Variants in LPP observed in about 807,000 individuals in gnomAD.
LPP encodes the protein lipoma-preferred partner.
LPP carries 38 observed loss-of-function variants against 60.4 expected under a neutral mutation model. The observed-to-expected ratio is 0.63, with a 90% CI of 0.49 to 0.83. LPP has a LOEUF of 0.83. Ranked by LOEUF, LPP falls within the 40% of genes least tolerant of loss-of-function variation. The pLI, the probability that LPP is intolerant of heterozygous loss-of-function variation, is 0.00. For synonymous variants in LPP, 328 were observed against 290.8 expected, an observed-to-expected ratio of 1.13 and a Z score of -1.30; for missense variants, 902 against 783.6, an observed-to-expected ratio of 1.15 and a Z score of -1.80.
At chr3:188,754,443 G>A (rs1428989748) in intron 8 of LPP, among the ~76,000 whole-genome samples, 6 of 152,156 alleles carry the variant, frequency 3.9e-5, no homozygotes, top group Admixed American at 1.3e-4. Context: ...TGAGCAGTCT[G>A]TCCCCAAACT....
chr3:188,617,397 A>C lies in LPP; in HGVS notation c.1113+7553A>C, dbSNP rs74563761. On this transcript the variant is annotated intron_variant, in intron 7 of 11. Transcript: ENST00000617246. ...ATAGTTCAAGACAGAGGAGGTCAGA[A>C]GTAAGTGACCTTTAAAAGGTGTAAT... Among the ~76,000 whole-genome samples, 1,121 of 152,284 alleles carry C rather than the reference A, an allele frequency of 7.4e-3. 12 individuals are homozygous for C. The highest frequency in any genetic ancestry group is 0.025 in the African/African-American group (1,052 of 41,568).
chr3:188,323,986 G>T (rs1218243681), intron 2 of LPP, among the ~76,000 whole-genome samples: 1 of 152,172 alleles, frequency 6.6e-6, no homozygotes, highest in East Asian at 1.9e-4. Flanking sequence ...GATAGTACAT[G>T]TTGCAATGTG....
Position 188,371,641 on chromosome 3 carries a change from A to ATATATATATTT in LPP, c.-10+29923_-10+29924insATATATATTTT, listed in dbSNP as rs1553878071. ...AATATATATATATATATATATATAT[A>ATATATATATTT]TTTTTTTTTTTTTTTTTTTTTTTTT... is the stretch of plus-strand genomic sequence containing the variant. On this transcript the variant is annotated intron_variant, in intron 3 of 11. Transcript: ENST00000617246. Among the ~76,000 whole-genome samples, 8 of 32,172 alleles carry ATATATATATTT rather than the reference A, an allele frequency of 2.5e-4. 1 individual carries two copies. The highest frequency in any genetic ancestry group is 4.1e-4 in the Non-Finnish European group (8 of 19,330). The allele number at this position is 32,172 out of a possible 152,430, so 21.1% of individuals were successfully genotyped here.
intron 1 of LPP, among the ~76,000 whole-genome samples, chr3:188,194,986 C>T (rs1015697890): frequency 2.6e-5 from 4 of 152,120 alleles, no homozygotes; most frequent in Non-Finnish European, 5.9e-5. Flanking sequence ...GGGCCAGACG[C>T]GGTGGCTCAC....
intron 9 of LPP, among the ~76,000 whole-genome samples, chr3:188,850,776 C>T (rs1051987443): frequency 5.3e-5 from 8 of 152,084 alleles, no homozygotes; most frequent in Non-Finnish European, 1.2e-4. Flanking sequence ...AGCAGCAGTG[C>T]CTGGAGTGCT....
intron 7 of LPP, among the ~76,000 whole-genome samples, chr3:188,661,289 C>T (rs1854521099): frequency 6.6e-6 from 1 of 152,148 alleles, no homozygotes. Flanking sequence ...TGAATAAAGT[C>T]GCTATAAACA....
chr3:188,538,824 A>G (rs1824359579), intron 6 of LPP, among the ~76,000 whole-genome samples: 1 of 152,222 alleles, frequency 6.6e-6, no homozygotes, highest in African/African-American at 2.4e-5. Context: ...TGGTGTATCC[A>G]TACAATTGAA....
At chr3:188,249,149 C>T (rs1728166468) in intron 2 of LPP, among the ~76,000 whole-genome samples, 1 of 152,112 alleles carries the variant, frequency 6.6e-6, no homozygotes, top group African/African-American at 2.4e-5. Context: ...ACTGTAATCC[C>T]AGCACTTGGG....
intron 7 of LPP, among the ~76,000 whole-genome samples, chr3:188,697,946 A>C (rs192421203): frequency 5.3e-4 from 81 of 151,486 alleles, no homozygotes; most frequent in African/African-American, 1.9e-3. Context: ...ACAGATTAAT[A>C]AAATCTTATT....
chr3:188,321,614 C>T (rs2150385348), intron 2 of LPP, among the ~76,000 whole-genome samples: 1 of 152,162 alleles, frequency 6.6e-6, no homozygotes, highest in East Asian at 1.9e-4. Context: ...AAAAATCTGA[C>T]ATTTGGTATT....
At chr3:188,604,830 A>T (rs1842093981) in intron 6 of LPP, among the ~76,000 whole-genome samples, 1 of 152,126 alleles carries the variant, frequency 6.6e-6, no homozygotes, top group Admixed American at 6.6e-5. Context: ...TGCACATGTG[A>T]TATGTACAGG....
At chr3:188,549,871 C>T (rs1444881563) in intron 6 of LPP, among the ~76,000 whole-genome samples, 1 of 152,184 alleles carries the variant, frequency 6.6e-6, no homozygotes, top group Non-Finnish European at 1.5e-5. Context: ...TTCTCGAACC[C>T]TGTTCTGCAA....
At chr3:188,248,468 T>TTATATATA (rs55811112) in intron 2 of LPP, among the ~76,000 whole-genome samples, 3,297 of 84,004 alleles carry the variant, frequency 0.039, 231 homozygotes, top group Non-Finnish European at 0.043. Context: ...CAGTATAACT[T>TTATATATA]TATATATATA....
chr3:188,607,142 C>G (rs988087235), intron 6 of LPP, among the ~76,000 whole-genome samples: 17 of 150,104 alleles, frequency 1.1e-4, no homozygotes, highest in African/African-American at 4.2e-4. Context: ...CACACACACA[C>G]ACACACACAC....
chr3:188,720,964 C>T (rs1193300243), intron 8 of LPP, among the ~76,000 whole-genome samples: 1 of 152,154 alleles, frequency 6.6e-6, no homozygotes, highest in Admixed American at 6.5e-5. Flanking sequence ...CTGACTCACC[C>T]TTTCTTTCCT....
chr3:188,490,359 A>G (rs940357049), intron 5 of LPP, among the ~76,000 whole-genome samples: 1 of 152,192 alleles, frequency 6.6e-6, no homozygotes, highest in African/African-American at 2.4e-5. Flanking sequence ...AAAACAATTC[A>G]AAGCTCATAT....
At chr3:188,377,716 A>G (rs951702344) in intron 3 of LPP, among the ~76,000 whole-genome samples, 4 of 152,202 alleles carry the variant, frequency 2.6e-5, no homozygotes, top group Non-Finnish European at 4.4e-5. Flanking sequence ...TGTCAAAGTC[A>G]TTCTCCGTCC....
At chr3:188,634,160 C>T (rs1240399469) in intron 7 of LPP, among the ~76,000 whole-genome samples, 3 of 152,170 alleles carry the variant, frequency 2.0e-5, no homozygotes, top group South Asian at 2.1e-4. Flanking sequence ...TCTTTCTTTT[C>T]GTTTCTTTTC....
chr3:188,459,847 G>T (rs1056682916), intron 4 of LPP, among the ~76,000 whole-genome samples: 3 of 151,934 alleles, frequency 2.0e-5, no homozygotes, highest in African/African-American at 7.3e-5. Flanking sequence ...CATGGGGGGG[G>T]GTTCTTTGTT....
Sources: gnomAD v4.1 joint callset for allele counts (sites outside exome capture counted in the v4.1 genomes callset) on GRCh38, gnomAD v4.1.1 for gene constraint, MANE v1.5 for transcripts, NCBI Gene and HGNC (gene_info 2026-07-23, HGNC 2026-07-21) for gene names.